The following ADGRA3 variants were observed in gnomAD, a reference collection of about 807,000 sequenced individuals.
ADGRA3 encodes the protein adhesion G protein-coupled receptor A3, also known as G-protein coupled receptor 125.
In ADGRA3, 56 loss-of-function variants were observed where a neutral mutation model predicts 119.8. The ratio of observed to expected loss-of-function variants is 0.47; its 90% CI spans 0.38 to 0.58. The LOEUF (loss-of-function observed/expected upper bound fraction) is 0.58, where lower values mean the gene tolerates loss of function less well. Among genes scored for constraint, ADGRA3 ranks in the 20% least tolerant of loss-of-function variants. ADGRA3 has a pLI of 0.00. For missense variants in ADGRA3, 1,516 were observed against 1,649.0 expected (o/e 0.92, Z 1.40); for synonymous variants, 607 against 623.8 (o/e 0.97, Z 0.40).
At chr4:22,444,704 C>A (rs1474661536) in intron 6 of ADGRA3, among the ~76,000 whole-genome samples, 1 of 151,902 alleles carries the variant, frequency 6.6e-6, no homozygotes, top group African/African-American at 2.4e-5. Context: ...GATGGAAAAT[C>A]TGAAAATCTA....
At chr4:22,413,528 G>C in intron 13 of ADGRA3, 73 bp downstream of exon 13, 1 of 1,439,398 alleles carries the variant, frequency 6.9e-7, no homozygotes, top group African/African-American at 1.4e-5. Context: ...ACTAAAATAA[G>C]CATTTTTAGG....
intron 16 of ADGRA3, among the ~76,000 whole-genome samples, chr4:22,397,562 C>T (rs1714416735): frequency 6.6e-6 from 1 of 151,956 alleles, no homozygotes; most frequent in Non-Finnish European, 1.5e-5. Context: ...TTAGTAAGGA[C>T]CTGATATGAT....
intron 14 of ADGRA3, among the ~76,000 whole-genome samples, chr4:22,408,498 G>A (rs1056786729): frequency 2.6e-5 from 4 of 152,078 alleles, no homozygotes; most frequent in African/African-American, 9.7e-5. Context: ...GAGCAGGAAC[G>A]TCAGGAAAAG....
At chr4:22,409,780 T>C (rs939011929) in intron 14 of ADGRA3, among the ~76,000 whole-genome samples, 1 of 152,176 alleles carries the variant, frequency 6.6e-6, no homozygotes, top group Non-Finnish European at 1.5e-5. Context: ...GCAACCTTTG[T>C]GCAAAAATGC....
intron 1 of ADGRA3, among the ~76,000 whole-genome samples, chr4:22,498,960 A>T (rs1301072161): frequency 6.6e-6 from 1 of 152,148 alleles, no homozygotes; most frequent in Non-Finnish European, 1.5e-5. Flanking sequence ...CAGTTAACAA[A>T]AAGACAGCTC....
At chr4:22,455,284 T>C (rs1717199083) in intron 3 of ADGRA3, among the ~76,000 whole-genome samples, 1 of 152,154 alleles carries the variant, frequency 6.6e-6, no homozygotes, top group Non-Finnish European at 1.5e-5. Context: ...ACCTACACAG[T>C]TAATTATGCT....
chr4:22,436,413 A>C (rs745375287), intron 9 of ADGRA3, 27 bp downstream of exon 9: 1 of 1,573,956 alleles, frequency 6.4e-7, no homozygotes. Context: ...TCCACAACCC[A>C]AGTAAACATG....
chr4:22,511,568 A>C (rs1441612161), intron 1 of ADGRA3, among the ~76,000 whole-genome samples: 2 of 152,110 alleles, frequency 1.3e-5, no homozygotes, highest in Non-Finnish European at 2.9e-5. Context: ...ATTATATCCC[A>C]TCTTTGCCAT....
chr4:22,461,277 C>T (rs968652318), intron 3 of ADGRA3, among the ~76,000 whole-genome samples: 7 of 152,210 alleles, frequency 4.6e-5, no homozygotes, highest in Non-Finnish European at 1.0e-4. Context: ...AATCAACCAC[C>T]TTCTCAGCTA....
At chr4:22,400,845 T>C (rs951615263) in intron 16 of ADGRA3, among the ~76,000 whole-genome samples, 2 of 152,178 alleles carry the variant, frequency 1.3e-5, no homozygotes, top group African/African-American at 4.8e-5. Context: ...CTATCATGCA[T>C]GTGAAAAAAA....
At chr4:22,420,697 G>A in intron 12 of ADGRA3, 189 bp downstream of exon 12, 1 of 599,478 alleles carries the variant, frequency 1.7e-6, no homozygotes, top group Non-Finnish European at 2.9e-6. Context: ...AGGCAAAAAT[G>A]CCTAGGGCCC....
chr4:22,449,639 A>G (rs539761601), intron 4 of ADGRA3, among the ~76,000 whole-genome samples: 1 of 152,036 alleles, frequency 6.6e-6, no homozygotes, highest in African/African-American at 2.4e-5. Flanking sequence ...CTGTGGTGAG[A>G]AGTTTGAGAC....
chr4:22,466,983 C>T (rs1487826312), intron 2 of ADGRA3, among the ~76,000 whole-genome samples: 1 of 152,104 alleles, frequency 6.6e-6, no homozygotes, highest in Non-Finnish European at 1.5e-5. Flanking sequence ...TTATGGTTGG[C>T]TACAAAATTA....
At chr4:22,494,953 A>G (rs1718758884) in intron 1 of ADGRA3, among the ~76,000 whole-genome samples, 1 of 152,040 alleles carries the variant, frequency 6.6e-6, no homozygotes, top group Admixed American at 6.5e-5. Flanking sequence ...TTTCCTGTAT[A>G]TGCATACCTA....
At chr4:22,423,244 A>G (rs1715785859) in intron 11 of ADGRA3, among the ~76,000 whole-genome samples, 1 of 152,066 alleles carries the variant, frequency 6.6e-6, no homozygotes, top group Non-Finnish European at 1.5e-5. Context: ...CACAGCAACA[A>G]AAAACAAAGA....
intron 10 of ADGRA3, among the ~76,000 whole-genome samples, chr4:22,430,578 A>G (rs1464369050): frequency 6.6e-6 from 1 of 152,168 alleles, no homozygotes; most frequent in Non-Finnish European, 1.5e-5. Flanking sequence ...AGGTGACTTG[A>G]GTGCCGTAAA....
intron 1 of ADGRA3, among the ~76,000 whole-genome samples, chr4:22,481,581 T>C (rs1487449564): frequency 1.3e-5 from 2 of 152,254 alleles, no homozygotes; most frequent in Non-Finnish European, 2.9e-5. Context: ...ATATTGTTGA[T>C]GGCTGCTTTT....
chr4:22,436,671 A>T, intron 8 of ADGRA3, 30 bp from the exon 9 acceptor site: 1 of 1,570,872 alleles, frequency 6.4e-7, no homozygotes, highest in Non-Finnish European at 8.8e-7. Flanking sequence ...AGTACAAGAA[A>T]ATCTAAATGA....
At chr4:22,457,653 A>T (rs1717286795) in intron 3 of ADGRA3, among the ~76,000 whole-genome samples, 1 of 152,238 alleles carries the variant, frequency 6.6e-6, no homozygotes, top group African/African-American at 2.4e-5. Flanking sequence ...TAATTATATT[A>T]AATACTCCTG....
Sources: allele counts gnomAD v4.1 joint callset (sites outside exome capture counted in the v4.1 genomes callset), GRCh38; gene constraint gnomAD v4.1.1; transcripts MANE v1.5; gene names NCBI Gene and HGNC (gene_info 2026-07-23, HGNC 2026-07-21).